Variants in AKT3 observed in about 807,000 individuals in gnomAD.
AKT3 encodes RAC-gamma serine/threonine-protein kinase.
In AKT3, 15 loss-of-function variants were observed where a neutral mutation model predicts 65.3. The ratio of observed to expected loss-of-function variants is 0.23; its 90% CI spans 0.15 to 0.35. AKT3 has a LOEUF of 0.35. Ranked by LOEUF, AKT3 falls within the 10% of genes least tolerant of loss-of-function variation. The pLI, the probability that AKT3 is intolerant of heterozygous loss-of-function variation, is 1.00. For missense variants in AKT3, 243 were observed against 576.5 expected, an observed-to-expected ratio of 0.42 and a Z score of 5.92; for synonymous variants, 206 against 183.8, an observed-to-expected ratio of 1.12 and a Z score of -0.98.
intron 2 of AKT3, among the ~76,000 whole-genome samples, chr1:243,738,273 T>G (rs1159322935): frequency 1.3e-5 from 2 of 152,174 alleles, no homozygotes; most frequent in Non-Finnish European, 2.9e-5. Flanking sequence ...GTGATCTGAA[T>G]GCCAATGAAG....
At chr1:243,599,795 C>T (rs1327271612) in intron 8 of AKT3, among the ~76,000 whole-genome samples, 2 of 152,060 alleles carry the variant, frequency 1.3e-5, no homozygotes, top group African/African-American at 4.8e-5. Context: ...TTGCTCTTAT[C>T]CTGCTCTTTA....
At chr1:243,782,578 C>T (rs149750113) in intron 2 of AKT3, among the ~76,000 whole-genome samples, 6 of 152,088 alleles carry the variant, frequency 3.9e-5, no homozygotes, top group South Asian at 2.1e-4. Context: ...GATTAGGTTT[C>T]GACATAGGAA....
rs143696189 is a variant in AKT3, at chr1:243,714,339, C to T, written c.47-18623G>A. Among the ~76,000 whole-genome samples, 144 of 152,246 alleles carry T rather than the reference C, an allele frequency of 9.5e-4. 1 individual carries two copies. Among genetic ancestry groups the T allele is most frequent in the African/African-American group, 3.2e-3 (131 of 41,554 alleles). ...AAAACAAAATTAAACAATGTGTCCACTTTGTACAGATATTTTTTCTTTAAC... is the reference window on the plus strand; with the variant it reads ...AAAACAAAATTAAACAATGTGTCCATTTTGTACAGATATTTTTTCTTTAAC... On this transcript the variant is annotated intron_variant, in intron 2 of 13. Transcript: ENST00000673466.
intron 4 of AKT3, among the ~76,000 whole-genome samples, chr1:243,661,367 T>C (rs1327805541): frequency 3.3e-5 from 5 of 151,922 alleles, no homozygotes; most frequent in African/African-American, 1.2e-4. Context: ...GAGATATAGA[T>C]CAATGGAACA....
At chr1:243,618,080 G>T (rs755703465) in intron 6 of AKT3, among the ~76,000 whole-genome samples, 60 of 152,092 alleles carry the variant, frequency 3.9e-4, no homozygotes, top group Non-Finnish European at 8.1e-4. Context: ...TTTTCAGTGG[G>T]GTATTACATT....
intron 2 of AKT3, among the ~76,000 whole-genome samples, chr1:243,700,506 A>ATTTTTTTTTTTTTTTTTTTTTT (rs67611152): frequency 7.1e-6 from 1 of 139,940 alleles, no homozygotes; most frequent in African/African-American, 2.7e-5. Flanking sequence ...GGCTTAGTCT[A>ATTTTTTTTTTTTTTTTTTTTTT]TTTTTTTTTT....
At position 243,800,851 on chromosome 1, in the gene AKT3, C is replaced by T. The variant is rs115686675; in HGVS notation, c.46+42274G>A. The stretch of plus-strand genomic sequence containing the variant: ...AAGCCATAAAATACAATGATATGCA[C>T]CATTTCTGCCCTATAAATATCATAT... On this transcript the variant is annotated intron_variant, in intron 2 of 13. Coordinates refer to ENST00000673466, the MANE Select transcript of AKT3 (RefSeq NM_005465.7). Among the ~76,000 whole-genome samples the T allele has an allele frequency of 8.8e-3, 1,335 of 152,204 alleles. 15 individuals carry two copies. Among genetic ancestry groups the T allele is most frequent in the African/African-American group, 0.03 (1,265 of 41,528 alleles).
intron 8 of AKT3, among the ~76,000 whole-genome samples, chr1:243,600,068 T>C (rs1310585404): frequency 6.6e-6 from 1 of 152,082 alleles, no homozygotes; most frequent in Non-Finnish European, 1.5e-5. Context: ...CTTAAAAACA[T>C]AAAATAATTA....
In AKT3 at chr1:243,552,808, C is replaced by T. The variant is rs1198994311; in HGVS notation, c.1084G>A (p.Asp362Asn). The stretch of plus-strand genomic sequence containing the variant: ...GAGAGTGTTCGAGGAAATTTAATGT[C>T]TTCCATTAATATTAATTCAAAAAGT... Reference protein sequence around the residue: ...EKLFELILMEDIKFPRTLSSD... With the variant: ...EKLFELILMENIKFPRTLSSD... Residue 362 changes from aspartate (D) to asparagine (N), a missense_variant, in exon 11 of 14, where the codon GAC becomes AAC. This residue lies in a region of AKT3 where 20 missense variants were observed against 68.4 expected (regional missense o/e 0.29). Coordinates refer to ENST00000673466, the MANE Select transcript of AKT3 (RefSeq NM_005465.7). 6.2e-7 allele frequency: 1 copy of T among 1,613,668 alleles called. No homozygotes were observed. The highest frequency in any genetic ancestry group is 8.5e-7 in the Non-Finnish European group (1 of 1,179,844).
chr1:243,698,227 T>C (rs1685183112), intron 2 of AKT3, among the ~76,000 whole-genome samples: 1 of 152,098 alleles, frequency 6.6e-6, no homozygotes, highest in Non-Finnish European at 1.5e-5. Flanking sequence ...AATGTTGTTG[T>C]ACAGCAATAA....
chr1:243,841,419 G>C (rs1695233237), intron 2 of AKT3, among the ~76,000 whole-genome samples: 1 of 152,034 alleles, frequency 6.6e-6, no homozygotes, highest in Non-Finnish European at 1.5e-5. Flanking sequence ...AAAGGTTCAA[G>C]TGATTTGCCA....
intron 2 of AKT3, among the ~76,000 whole-genome samples, chr1:243,733,890 A>T (rs1687693392): frequency 6.6e-6 from 1 of 152,238 alleles, no homozygotes; most frequent in African/African-American, 2.4e-5. Flanking sequence ...ATTTGTACAA[A>T]ATGCAATATG....
At position 243,503,034 on chromosome 1, in the gene AKT3, C is replaced by G. The variant is rs7521027; in HGVS notation, c.*2215G>C. On this transcript the variant is annotated 3_prime_UTR_variant, in exon 14 of 14. Transcript: ENST00000673466. ...TCTTTCTTATATAATGGATGCAAGA[C>G]AACTTAAAGAACATACCTTCTAGTC... 2 of 233,016 alleles carry G rather than the reference C, an allele frequency of 8.6e-6. No homozygotes were observed. The highest frequency in any genetic ancestry group is 1.7e-5 in the Non-Finnish European group (2 of 117,898). 14.4% of individuals were successfully genotyped at this position (233,016 alleles called of 1,614,324 possible).
intron 8 of AKT3, among the ~76,000 whole-genome samples, chr1:243,600,466 A>G (rs1676926854): frequency 6.6e-6 from 1 of 152,170 alleles, no homozygotes; most frequent in Non-Finnish European, 1.5e-5. Context: ...CAGGATAGAT[A>G]TAGACCAATA....
In AKT3 at chr1:243,501,730, T is replaced by C. The variant is rs1204845187; in HGVS notation, c.*3519A>G. Reference sequence around the variant, plus strand: ...AAGAAGATTTAATTTGGGGGGATTATAGAACCACATCCAACAACAATAAAC... The same window carrying C: ...AAGAAGATTTAATTTGGGGGGATTACAGAACCACATCCAACAACAATAAAC... On this transcript the variant is annotated 3_prime_UTR_variant, in exon 14 of 14. Coordinates refer to ENST00000673466, the MANE Select transcript of AKT3 (RefSeq NM_005465.7). The C allele has an allele frequency of 8.6e-6, 2 of 232,880 alleles. No homozygotes were observed. Among genetic ancestry groups the C allele is most frequent in the East Asian group, 6.1e-5 (1 of 16,528 alleles). The allele number at this position is 232,880 out of a possible 1,614,324, so 14.4% of individuals were successfully genotyped here. A position where few individuals can be genotyped will look rare whatever the true frequency, so the allele number is the denominator to read the frequency against.
chr1:243,562,272 A>C (rs1034917474), intron 10 of AKT3, among the ~76,000 whole-genome samples: 8 of 152,286 alleles, frequency 5.3e-5, no homozygotes, highest in African/African-American at 1.7e-4. Flanking sequence ...TGTCTACAAT[A>C]GGTAAATCTA....
chr1:243,508,924 G>A (rs778720772), intron 13 of AKT3, among the ~76,000 whole-genome samples: 6 of 151,854 alleles, frequency 4.0e-5, no homozygotes, highest in Non-Finnish European at 7.4e-5. Flanking sequence ...CACCCGCCTT[G>A]GCCTCCCAAA....
chr1:243,812,499 C>T (rs1693227711), intron 2 of AKT3, among the ~76,000 whole-genome samples: 1 of 152,082 alleles, frequency 6.6e-6, no homozygotes, highest in African/African-American at 2.4e-5. Flanking sequence ...GTTAGAATGG[C>T]GATCATTAAA....
In AKT3 at chr1:243,843,181, C is replaced by T. The variant is rs369553671; in HGVS notation, c.-11G>A. 3 of 1,612,030 alleles carry T rather than the reference C, an allele frequency of 1.9e-6. No homozygotes were observed. Among genetic ancestry groups the T allele is most frequent in the East Asian group, 2.2e-5 (1 of 44,808 alleles). The stretch of plus-strand genomic sequence containing the variant: ...GGTAACATCGCTCATGATGACTCCC[C>T]TCTGAGCCCCCAACTTGGAGAAATG... On this transcript the variant is annotated 5_prime_UTR_variant, in exon 2 of 14. Transcript: ENST00000673466.
Sources: allele counts gnomAD v4.1 joint callset (sites outside exome capture counted in the v4.1 genomes callset), GRCh38; gene constraint gnomAD v4.1.1; regional missense constraint gnomAD v4.1.1; transcripts MANE v1.5; gene names NCBI Gene and HGNC (gene_info 2026-07-23, HGNC 2026-07-21).